DOCK3: variants seen among roughly 807,000 people sequenced by gnomAD.
DOCK3 encodes dedicator of cytokinesis 3, also known as dedicator of cytokinesis protein 3.
A neutral mutation model predicts 265.6 loss-of-function variants in DOCK3; 60 were observed. That is an observed-to-expected ratio of 0.23 (90% CI 0.18 to 0.28). DOCK3 has a LOEUF of 0.28. Among genes scored for constraint, DOCK3 ranks in the 10% least tolerant of loss-of-function variants. The probability of loss-of-function intolerance (pLI) is 1.00; values close to 1 mark genes in which losing one functional copy is unlikely to be tolerated. For synonymous variants in DOCK3, 881 were observed against 938.0 expected (o/e 0.94, Z 1.11); for missense variants, 1,981 against 2,594.3 (o/e 0.76, Z 5.14).
chr3:51,233,436 G>C (rs1158426021), intron 19 of DOCK3, among the ~76,000 whole-genome samples: 1 of 151,896 alleles, frequency 6.6e-6, no homozygotes, highest in East Asian at 1.9e-4. Flanking sequence ...CGTGATCTCG[G>C]CTCACTGCAA....
intron 38 of DOCK3, among the ~76,000 whole-genome samples, chr3:51,343,118 T>C (rs2085344130): frequency 6.6e-6 from 1 of 151,690 alleles, no homozygotes; most frequent in Admixed American, 6.6e-5. Context: ...AAAACCCAGA[T>C]GCTATGGGAA....
At chr3:51,031,927 T>A (rs2080065442) in intron 5 of DOCK3, among the ~76,000 whole-genome samples, 2 of 152,106 alleles carry the variant, frequency 1.3e-5, no homozygotes, top group Admixed American at 6.5e-5. Flanking sequence ...AGATAATGAG[T>A]GTAGTGTACT....
At chr3:50,953,201 C>T (rs972761756) in intron 5 of DOCK3, among the ~76,000 whole-genome samples, 1 of 152,000 alleles carries the variant, frequency 6.6e-6, no homozygotes, top group Non-Finnish European at 1.5e-5. Flanking sequence ...AAAAAGACCC[C>T]AGTCTTAAAA....
chr3:51,129,390 A>G (rs1269723565), intron 9 of DOCK3, among the ~76,000 whole-genome samples: 2 of 152,196 alleles, frequency 1.3e-5, no homozygotes, highest in Admixed American at 6.5e-5. Flanking sequence ...CCATGAGGCC[A>G]TCAGTGCAGG....
intron 9 of DOCK3, among the ~76,000 whole-genome samples, chr3:51,119,124 C>A (rs1193654901): frequency 3.9e-5 from 6 of 152,112 alleles, no homozygotes; most frequent in Non-Finnish European, 1.5e-5. Context: ...CTTTTCCTTT[C>A]CATAGTTAGT....
rs191053526 is a variant in DOCK3 at position 51,013,222 on chromosome 3, T to G, written c.316-51226T>G. Reference sequence around the variant, plus strand: ...AGGAGCTGCGATCCTTTGGAGGAGATGCAGTGCTCTGGTTTTTAGAATTTT... The same window carrying G: ...AGGAGCTGCGATCCTTTGGAGGAGAGGCAGTGCTCTGGTTTTTAGAATTTT... On this transcript the variant is annotated intron_variant, in intron 5 of 52. Transcript: ENST00000266037. 2.3e-3 allele frequency among the ~76,000 whole-genome samples: 353 copies of G among 152,328 alleles called. 2 individuals carry two copies. The highest frequency in any genetic ancestry group is 8.3e-3 in the African/African-American group (343 of 41,572).
At chr3:50,720,501 T>C (rs1363635618) in intron 1 of DOCK3, among the ~76,000 whole-genome samples, 1 of 152,254 alleles carries the variant, frequency 6.6e-6, no homozygotes, top group Non-Finnish European at 1.5e-5. Flanking sequence ...TAGTATTCCA[T>C]GGTGTATATG....
rs782783565 is a variant in DOCK3, at chr3:51,380,112, G to A, written c.5501-13G>A. The stretch of plus-strand genomic sequence containing the variant: ...GGCCCCCAGCTGAGGCTCTGGTTCT[G>A]TTCCCTTTGCAGGTCATTACTCCCT... On this transcript the variant is annotated splice_polypyrimidine_tract_variant and intron_variant, in intron 51 of 52. Coordinates refer to ENST00000266037, the MANE Select transcript of DOCK3 (RefSeq NM_004947.5). 9 of 1,611,838 alleles carry A rather than the reference G, an allele frequency of 5.6e-6. No homozygotes were observed. The highest frequency in any genetic ancestry group is 1.7e-4 in the Middle Eastern group (1 of 6,050).
chr3:50,702,385 A>T (rs1034393150), intron 1 of DOCK3, among the ~76,000 whole-genome samples: 1 of 151,450 alleles, frequency 6.6e-6, no homozygotes, highest in African/African-American at 2.4e-5. Flanking sequence ...TTTTTTTTAG[A>T]TAGAGTCTTG....
rs146329437 is a variant in DOCK3, at chr3:50,705,121, C to T, written c.37+29821C>T. ...ATTTGATGGTTTTCTGTAGTGGTAA[C>T]GTTTGACTCTTTTTCTTTTTTGTGT... On this transcript the variant is annotated intron_variant, in intron 1 of 52. Coordinates refer to ENST00000266037, the MANE Select transcript of DOCK3 (RefSeq NM_004947.5). Among the ~76,000 whole-genome samples the T allele has an allele frequency of 2.0e-3, 299 of 148,512 alleles. 3 individuals are homozygous for T. Among genetic ancestry groups the T allele is most frequent in the African/African-American group, 6.7e-3 (272 of 40,382 alleles).
At chr3:51,092,009 C>G (rs960541458) in intron 9 of DOCK3, among the ~76,000 whole-genome samples, 1 of 152,172 alleles carries the variant, frequency 6.6e-6, no homozygotes, top group Non-Finnish European at 1.5e-5. Flanking sequence ...CTTTGCAACC[C>G]GCAGACCAGG....
intron 9 of DOCK3, among the ~76,000 whole-genome samples, chr3:51,120,191 G>A (rs1428642304): frequency 6.6e-6 from 1 of 152,128 alleles, no homozygotes; most frequent in Non-Finnish European, 1.5e-5. Flanking sequence ...ATTCCTTTCT[G>A]TTTGTTAGTT....
chr3:51,192,190 A>C (rs1219371529), intron 12 of DOCK3, among the ~76,000 whole-genome samples: 1 of 151,164 alleles, frequency 6.6e-6, no homozygotes, highest in East Asian at 2.0e-4. Context: ...AGGTTTTCAA[A>C]CTTCTATTAT....
chr3:50,959,680 C>T (rs548417285), intron 5 of DOCK3, among the ~76,000 whole-genome samples: 28 of 152,000 alleles, frequency 1.8e-4, no homozygotes, highest in African/African-American at 5.1e-4. Flanking sequence ...CCTGGGTTCA[C>T]GCCATTCTCC....
At chr3:50,699,612 ACT>A (rs2035902394) in intron 1 of DOCK3, among the ~76,000 whole-genome samples, 1 of 151,498 alleles carries the variant, frequency 6.6e-6, no homozygotes. Context: ...CCTTTTTAAG[ACT>A]CTGTGTGTAT....
At chr3:50,974,197 G>T (rs1313572588) in intron 5 of DOCK3, among the ~76,000 whole-genome samples, 2 of 151,958 alleles carry the variant, frequency 1.3e-5, no homozygotes, top group Non-Finnish European at 2.9e-5. Context: ...TAGTGTTTTA[G>T]ACATGAAGTC....
At chr3:51,010,675 G>C (rs1269699749) in intron 5 of DOCK3, among the ~76,000 whole-genome samples, 2 of 152,090 alleles carry the variant, frequency 1.3e-5, no homozygotes, top group Admixed American at 6.5e-5. Context: ...ATGTTAGCTG[G>C]TTATTTTGCT....
At chr3:51,366,044 A>T in intron 49 of DOCK3, among the ~76,000 whole-genome samples, 1 of 152,150 alleles carries the variant, frequency 6.6e-6, no homozygotes, top group South Asian at 2.1e-4. Context: ...TTTGATTGGA[A>T]TTGTTTCAGA....
intron 49 of DOCK3, among the ~76,000 whole-genome samples, chr3:51,367,290 T>C (rs1320940940): frequency 6.6e-6 from 1 of 152,246 alleles, no homozygotes; most frequent in Non-Finnish European, 1.5e-5. Flanking sequence ...AAGTCTGTTT[T>C]ATCAGAGACG....
Sources: gnomAD v4.1 joint callset for allele counts (sites outside exome capture counted in the v4.1 genomes callset) on GRCh38, gnomAD v4.1.1 for gene constraint, MANE v1.5 for transcripts, NCBI Gene and HGNC (gene_info 2026-07-23, HGNC 2026-07-21) for gene names.